Variants in CDYL observed in about 807,000 individuals in gnomAD.
CDYL encodes chromodomain Y-like protein.
In CDYL, 8 loss-of-function variants were observed where a neutral mutation model predicts 47.3. That is an observed-to-expected ratio of 0.17 (90% CI 0.10 to 0.31). CDYL has a LOEUF of 0.31. CDYL is among the 10% of genes least tolerant of loss of function. The probability of loss-of-function intolerance (pLI) is 1.00; values close to 1 mark genes in which losing one functional copy is unlikely to be tolerated. For synonymous variants in CDYL, 266 were observed against 265.0 expected, an observed-to-expected ratio of 1.00 and a Z score of -0.04; for missense variants, 471 against 701.4, an observed-to-expected ratio of 0.67 and a Z score of 3.71.
chr6:4,849,838 CA>C (rs529338743), intron 1 of CDYL, among the ~76,000 whole-genome samples: 3 of 147,188 alleles, frequency 2.0e-5, no homozygotes, highest in Non-Finnish European at 4.4e-5. Flanking sequence ...ATGTAGACCA[CA>C]AACACAGAAA....
chr6:4,738,687 T>C (rs1757744745), intron 3 of CDYL, among the ~76,000 whole-genome samples: 1 of 152,180 alleles, frequency 6.6e-6, no homozygotes, highest in Admixed American at 6.5e-5. Context: ...AAGAAACACT[T>C]GTACATGTGT....
At position 4,808,574 on chromosome 6, in the gene CDYL, C is replaced by T. The variant is rs1014288500; in HGVS notation, c.24+31767C>T. 3.9e-5 allele frequency among the ~76,000 whole-genome samples: 6 copies of T among 152,168 alleles called. No homozygotes were observed. The South Asian group carries it at 6.2e-4, about 16-fold the overall frequency. On this transcript the variant is annotated intron_variant, in intron 1 of 6. Coordinates refer to ENST00000397588, the MANE Select transcript of CDYL (RefSeq NM_004824.4). Reference sequence around the variant, plus strand: ...TGTAGCCCATGGGTTCAATCTGGCCCGCTTGATGTTTTTGTAAATAAAGTT... The same window carrying T: ...TGTAGCCCATGGGTTCAATCTGGCCTGCTTGATGTTTTTGTAAATAAAGTT...
intron 3 of CDYL, among the ~76,000 whole-genome samples, chr6:4,759,193 T>G (rs1341850942): frequency 6.6e-6 from 1 of 151,992 alleles, no homozygotes; most frequent in African/African-American, 2.4e-5. Context: ...ATGGTCTCGA[T>G]CTCCTGACCT....
intron 1 of CDYL, among the ~76,000 whole-genome samples, chr6:4,860,206 A>G (rs1427482487): frequency 6.6e-6 from 1 of 152,128 alleles, no homozygotes; most frequent in Non-Finnish European, 1.5e-5. Context: ...CAGCCAGTTC[A>G]TAAGGATCGT....
chr6:4,871,370 G>T (rs1022875717), intron 1 of CDYL, among the ~76,000 whole-genome samples: 2 of 152,126 alleles, frequency 1.3e-5, no homozygotes, highest in Non-Finnish European at 2.9e-5. Flanking sequence ...TTTCAAGGCT[G>T]CCCCAAAAAG....
intron 1 of CDYL, among the ~76,000 whole-genome samples, chr6:4,834,400 C>T (rs1280431766): frequency 6.7e-6 from 1 of 148,850 alleles, no homozygotes; most frequent in Non-Finnish European, 1.5e-5. Context: ...TGAATATTGG[C>T]CCCCACTCTC....
intron 1 of CDYL, among the ~76,000 whole-genome samples, chr6:4,807,591 CTTTTTTTTTTT>C (rs70974139): frequency 2.6e-4 from 11 of 42,898 alleles, no homozygotes; most frequent in Non-Finnish European, 4.0e-4. Flanking sequence ...TCATTCATGT[CTTTTTTTTTTT>C]TTTTTTTTTT....
intron 2 of CDYL, among the ~76,000 whole-genome samples, chr6:4,903,842 G>A (rs1757144180): frequency 6.6e-6 from 1 of 152,146 alleles, no homozygotes; most frequent in South Asian, 2.1e-4. Flanking sequence ...TTTAGTTTCG[G>A]ATTCACTCTA....
intron 1 of CDYL, among the ~76,000 whole-genome samples, chr6:4,713,594 T>TG (rs1177673448): frequency 2.0e-5 from 3 of 151,478 alleles, no homozygotes; most frequent in Non-Finnish European, 4.4e-5. Flanking sequence ...AGATTCTTTT[T>TG]TTTTTTTTTT....
At chr6:4,758,840 C>T (rs78339423) in intron 3 of CDYL, among the ~76,000 whole-genome samples, 4,239 of 151,806 alleles carry the variant, frequency 0.028, 64 homozygotes, top group Non-Finnish European at 0.033. Context: ...CTTCATTTTA[C>T]GTATTTATTT....
At chr6:4,867,982 T>A (rs1254717952) in intron 1 of CDYL, among the ~76,000 whole-genome samples, 1 of 152,030 alleles carries the variant, frequency 6.6e-6, no homozygotes, top group African/African-American at 2.4e-5. Flanking sequence ...TATGGGTTAT[T>A]TGTGTCATCT....
chr6:4,715,377 T>C (rs1357903208), intron 1 of CDYL, among the ~76,000 whole-genome samples: 2 of 152,204 alleles, frequency 1.3e-5, no homozygotes, highest in Non-Finnish European at 2.9e-5. Flanking sequence ...AGACACATTT[T>C]CATGACTGCA....
chr6:4,764,288 ATTTTTTG>A (rs1320311038), intron 3 of CDYL, among the ~76,000 whole-genome samples: 2 of 152,036 alleles, frequency 1.3e-5, no homozygotes, highest in South Asian at 2.1e-4. Context: ...GTTTTTTTTC[ATTTTTTG>A]TTTTTTGTTT....
intron 1 of CDYL, among the ~76,000 whole-genome samples, chr6:4,797,883 A>C (rs1759119938): frequency 6.6e-6 from 1 of 152,198 alleles, no homozygotes; most frequent in Non-Finnish European, 1.5e-5. Flanking sequence ...GAATATGAGC[A>C]TTCATGTAGA....
At chr6:4,940,394 C>G (rs971065495) in intron 4 of CDYL, among the ~76,000 whole-genome samples, 5 of 152,188 alleles carry the variant, frequency 3.3e-5, no homozygotes, top group Admixed American at 2.0e-4. Flanking sequence ...TGGATAAAAG[C>G]TCTTCCTGTG....
In CDYL at chr6:4,937,733, A is replaced by G. The variant is rs1193796891; in HGVS notation, c.1117A>G (p.Ile373Val). ...AGAAAGCACTAAAATGGCAGAAGCT[A>G]TCAGGTATGTAAAAATGATGTTTTT... The part of the protein sequence containing the change: ...KRESTKMAEA[I>V]RNFVNTFIQF... The change falls in exon 4 of 7, where the codon ATC becomes GTC. Residue 373 changes from isoleucine to valine, a missense_variant. By Grantham distance (29) the Ile-to-Val change is conservative (BLOSUM62 3). Coordinates refer to ENST00000397588, the MANE Select transcript of CDYL (RefSeq NM_004824.4). The G allele has an allele frequency of 1.9e-6, 3 of 1,602,468 alleles. No individual in the cohort carries two copies. The highest frequency in any genetic ancestry group is 1.7e-6 in the Non-Finnish European group (2 of 1,176,836).
exon 2 of CDYL, chr6:4,715,822 G>A (rs1757246217): frequency 6.2e-7 from 1 of 1,614,138 alleles, no homozygotes; most frequent in Non-Finnish European, 8.5e-7. Context: ...GGAAAAAGCA[G>A]GAAGAAAAAC....
intron 1 of CDYL, among the ~76,000 whole-genome samples, chr6:4,783,300 AT>A (rs930768037): frequency 6.8e-6 from 1 of 147,736 alleles, no homozygotes; most frequent in African/African-American, 2.5e-5. Flanking sequence ...TTTTGCCATC[AT>A]TTTTTGAAAG....
intron 1 of CDYL, among the ~76,000 whole-genome samples, chr6:4,845,738 T>C (rs1388651349): frequency 6.6e-6 from 1 of 152,226 alleles, no homozygotes; most frequent in African/African-American, 2.4e-5. Flanking sequence ...ATATGAATTT[T>C]GTATACTTTT....
Sources: gnomAD v4.1 joint callset for allele counts (sites outside exome capture counted in the v4.1 genomes callset) on GRCh38, gnomAD v4.1.1 for gene constraint, MANE v1.5 for transcripts, NCBI Gene and HGNC (gene_info 2026-07-23, HGNC 2026-07-21) for gene names.